Variants in ANO10 observed in about 807,000 individuals in gnomAD.
ANO10 encodes anoctamin-10.
A neutral mutation model predicts 74.7 loss-of-function variants in ANO10; 77 were observed. The ratio of observed to expected loss-of-function variants is 1.03; its 90% CI spans 0.86 to 1.25. ANO10 has a LOEUF of 1.25. Ranked by LOEUF, ANO10 falls within the 50% of genes most tolerant of loss-of-function variation. The pLI, the probability that ANO10 is intolerant of heterozygous loss-of-function variation, is 0.00. For synonymous variants in ANO10, 279 were observed against 284.9 expected, an observed-to-expected ratio of 0.98 and a Z score of 0.21; for missense variants, 721 against 778.1, an observed-to-expected ratio of 0.93 and a Z score of 0.87.
chr3:43,557,606 G>A (rs1323228329), intron 9 of ANO10, among the ~76,000 whole-genome samples: 1 of 151,712 alleles, frequency 6.6e-6, no homozygotes, highest in Non-Finnish European at 1.5e-5. Context: ...ATGGTGGCAG[G>A]CACCTGTAGT....
intron 1 of ANO10, among the ~76,000 whole-genome samples, chr3:43,650,151 A>G (rs1288516335): frequency 1.3e-5 from 2 of 152,034 alleles, no homozygotes; most frequent in Non-Finnish European, 2.9e-5. Flanking sequence ...AAGGATGGTG[A>G]ATGTGGGGGT....
chr3:43,574,923 T>TA, intron 6 of ANO10, 59 bp from the exon 7 acceptor site: 1 of 1,453,354 alleles, frequency 6.9e-7, no homozygotes, highest in Non-Finnish European at 9.7e-7. Context: ...AAAGCACTGT[T>TA]ATGAGGTAAA....
chr3:43,679,461 G>A (rs1340355919), intron 1 of ANO10, among the ~76,000 whole-genome samples: 1 of 152,306 alleles, frequency 6.6e-6, no homozygotes, highest in Admixed American at 6.5e-5. Flanking sequence ...ACTGGGTAGA[G>A]CCCACCACAG....
intron 7 of ANO10, among the ~76,000 whole-genome samples, chr3:43,570,247 G>T (rs1212945827): frequency 6.9e-6 from 1 of 145,280 alleles, no homozygotes; most frequent in Non-Finnish European, 1.5e-5. Context: ...TTGTGAAAAT[G>T]GCCATACTGC....
intron 11 of ANO10, among the ~76,000 whole-genome samples, chr3:43,456,061 T>C (rs1022607634): frequency 6.6e-6 from 1 of 152,152 alleles, no homozygotes; most frequent in Non-Finnish European, 1.5e-5. Context: ...TAAATAGAAA[T>C]TGACATGCTA....
At chr3:43,434,784 ATTTTGCTGCTGTGG>A (rs1156402996) in intron 11 of ANO10, among the ~76,000 whole-genome samples, 2 of 152,208 alleles carry the variant, frequency 1.3e-5, no homozygotes, top group Non-Finnish European at 2.9e-5. Flanking sequence ...GGCTGCCCAG[ATTTTGCTGCTGTGG>A]TTTCCATGCG....
chr3:43,413,555 T>C (rs943910067), intron 12 of ANO10, among the ~76,000 whole-genome samples: 4 of 151,566 alleles, frequency 2.6e-5, no homozygotes, highest in African/African-American at 9.7e-5. Context: ...CCTTCAGGCC[T>C]CCCCAGAAGC....
intron 12 of ANO10, among the ~76,000 whole-genome samples, chr3:43,410,935 A>T (rs2092654398): frequency 6.6e-6 from 1 of 152,008 alleles, no homozygotes; most frequent in African/African-American, 2.4e-5. Flanking sequence ...ATTCCTGAAT[A>T]AACGACTGCA....
chr3:43,415,862 C>T (rs1286727918), intron 12 of ANO10, among the ~76,000 whole-genome samples: 4 of 152,200 alleles, frequency 2.6e-5, no homozygotes, highest in South Asian at 2.1e-4. Context: ...AATTCTTTAG[C>T]GAGTTTCCCT....
intron 11 of ANO10, among the ~76,000 whole-genome samples, chr3:43,446,945 C>T (rs2093255410): frequency 6.6e-6 from 1 of 152,124 alleles, no homozygotes; most frequent in Admixed American, 6.6e-5. Flanking sequence ...CCCCACTGTG[C>T]CTCCTGCCCA....
intron 4 of ANO10, among the ~76,000 whole-genome samples, chr3:43,582,136 T>C (rs2081289448): frequency 6.6e-6 from 1 of 151,914 alleles, no homozygotes; most frequent in African/African-American, 2.4e-5. Flanking sequence ...GGCAAATAAA[T>C]GTCTGCAGTG....
chr3:43,622,014 G>C (rs1205221002), upstream of ANO10: 1 of 152,628 alleles, frequency 6.6e-6, no homozygotes, highest in African/African-American at 2.4e-5. Flanking sequence ...AGGCCAGTGG[G>C]GCGGGCGCCG....
chr3:43,507,746 T>C (rs1428050213), intron 11 of ANO10, among the ~76,000 whole-genome samples: 6 of 152,126 alleles, frequency 3.9e-5, no homozygotes, highest in African/African-American at 7.2e-5. Context: ...AGGGATTTTC[T>C]CTGTGGGTTC....
At chr3:43,654,606 A>G (rs1280993520) in intron 1 of ANO10, among the ~76,000 whole-genome samples, 2 of 152,124 alleles carry the variant, frequency 1.3e-5, no homozygotes, top group Non-Finnish European at 2.9e-5. Flanking sequence ...GAGAACTAGT[A>G]ACACAACCAA....
intron 1 of ANO10, among the ~76,000 whole-genome samples, chr3:43,628,334 A>C (rs1436577294): frequency 6.6e-6 from 1 of 152,206 alleles, no homozygotes; most frequent in Non-Finnish European, 1.5e-5. Context: ...TGAAGATTTC[A>C]TGGACACTTA....
chr3:43,387,570 T>C (rs921180594), intron 12 of ANO10, among the ~76,000 whole-genome samples: 2 of 152,016 alleles, frequency 1.3e-5, no homozygotes, highest in African/African-American at 4.8e-5. Context: ...TTTCCATTTT[T>C]CCCCAGATAT....
chr3:43,429,922 G>A (rs1163136733), intron 12 of ANO10, among the ~76,000 whole-genome samples: 2 of 152,174 alleles, frequency 1.3e-5, no homozygotes, highest in Admixed American at 6.5e-5. Context: ...GTTTGGTGTT[G>A]GAGAGTAATT....
intron 12 of ANO10, among the ~76,000 whole-genome samples, chr3:43,383,468 AAAAAAAG>A (rs2092030049): frequency 6.6e-6 from 1 of 151,554 alleles, no homozygotes; most frequent in Non-Finnish European, 1.5e-5. Flanking sequence ...AAAAAAAAAA[AAAAAAAG>A]GATACTCCAC....
At chr3:43,524,678 G>A (rs2149226750) in intron 11 of ANO10, among the ~76,000 whole-genome samples, 2 of 152,228 alleles carry the variant, frequency 1.3e-5, no homozygotes, top group South Asian at 4.1e-4. Flanking sequence ...CTGTTTCACA[G>A]GTACCTTAGA....
Sources: allele counts gnomAD v4.1 joint callset (sites outside exome capture counted in the v4.1 genomes callset), GRCh38; gene constraint gnomAD v4.1.1; transcripts MANE v1.5; gene names NCBI Gene and HGNC (gene_info 2026-07-23, HGNC 2026-07-21).